ARID1B: variants seen among roughly 807,000 people sequenced by gnomAD.
The protein encoded by ARID1B is AT-rich interaction domain 1B.
ARID1B carries 30 observed loss-of-function variants against 212.3 expected under a neutral mutation model. The observed-to-expected ratio is 0.14, with a 90% CI of 0.11 to 0.19. The LOEUF is 0.19. Among genes scored for constraint, ARID1B ranks in the 10% least tolerant of loss-of-function variants. ARID1B has a pLI of 1.00. For synonymous variants in ARID1B, 1,402 were observed against 1,301.7 expected, an observed-to-expected ratio of 1.08 and a Z score of -1.66; for missense variants, 2,891 against 3,204.0, an observed-to-expected ratio of 0.90 and a Z score of 2.36.
intron 4 of ARID1B, among the ~76,000 whole-genome samples, chr6:156,990,207 T>C (rs1778188938): frequency 1.3e-5 from 2 of 150,330 alleles, no homozygotes; most frequent in Non-Finnish European, 3.0e-5. Flanking sequence ...AGAGTCTCAT[T>C]CTGTGGCCCA....
intron 7 of ARID1B, among the ~76,000 whole-genome samples, chr6:157,137,440 T>A (rs994208922): frequency 6.6e-6 from 1 of 152,162 alleles, no homozygotes; most frequent in Non-Finnish European, 1.5e-5. Context: ...ATTATGTAAT[T>A]AACATGTTAA....
intron 4 of ARID1B, among the ~76,000 whole-genome samples, chr6:157,050,800 A>G (rs1782549990): frequency 6.6e-6 from 1 of 152,348 alleles, no homozygotes; most frequent in African/African-American, 2.4e-5. Context: ...ATGATGTGCT[A>G]TGTAATAGTA....
At chr6:156,888,104 C>T (rs1227532427) in intron 2 of ARID1B, among the ~76,000 whole-genome samples, 1 of 152,226 alleles carries the variant, frequency 6.6e-6, no homozygotes, top group Admixed American at 6.5e-5. Flanking sequence ...GACATTGCAG[C>T]CTCAGCAAAG....
intron 2 of ARID1B, among the ~76,000 whole-genome samples, chr6:156,859,830 C>T (rs1043927013): frequency 6.6e-6 from 1 of 152,212 alleles, no homozygotes; most frequent in Non-Finnish European, 1.5e-5. Flanking sequence ...CACAGAAAGA[C>T]TAAGGTGAAA....
intron 15 of ARID1B, chr6:157,195,663 G>A (rs966838784): frequency 6.3e-6 from 1 of 158,302 alleles, no homozygotes; most frequent in Non-Finnish European, 1.4e-5. Flanking sequence ...CCACCGGGCA[G>A]GGGGTGCTGG....
chr6:156,835,639 A>G (rs956354342), intron 2 of ARID1B, among the ~76,000 whole-genome samples: 2 of 152,180 alleles, frequency 1.3e-5, no homozygotes, highest in Non-Finnish European at 2.9e-5. Context: ...CTGTTTTGTC[A>G]TGTACACATG....
chr6:156,883,443 G>T (rs1360751243), intron 2 of ARID1B, among the ~76,000 whole-genome samples: 1 of 152,100 alleles, frequency 6.6e-6, no homozygotes, highest in African/African-American at 2.4e-5. Flanking sequence ...TTCTTCTTTG[G>T]GGATCTGTGT....
At chr6:157,031,491 T>G (rs1781013097) in intron 4 of ARID1B, among the ~76,000 whole-genome samples, 1 of 152,246 alleles carries the variant, frequency 6.6e-6, no homozygotes, top group Non-Finnish European at 1.5e-5. Flanking sequence ...TCTTGTTGAT[T>G]GTTACTAGCC....
At chr6:157,029,126 T>C (rs936373683) in intron 4 of ARID1B, among the ~76,000 whole-genome samples, 12 of 152,210 alleles carry the variant, frequency 7.9e-5, no homozygotes, top group African/African-American at 2.7e-4. Flanking sequence ...GAATTTAAGG[T>C]CTACTCTTGG....
rs1219912388 is a variant in ARID1B, at chr6:156,778,082, C to A, written c.402C>A (p.Ser134=). 6.5e-7 allele frequency: 1 copy of A among 1,540,152 alleles called. No individual in the cohort carries two copies. Among genetic ancestry groups the A allele is most frequent in the East Asian group, 2.5e-5 (1 of 40,758 alleles). ...CGGCAGCGGCGGCATCCTCTTCCTC[C>A]TCGTCGGGCCCGGGCTCGGCCATGG... The part of the protein sequence containing the change: ...SAAAAAASSS[S]SSGPGSAMET... Residue 134 remains serine (S), a synonymous_variant, in exon 1 of 20, where the codon TCC becomes TCA. Transcript: ENST00000636930.
intron 2 of ARID1B, among the ~76,000 whole-genome samples, chr6:156,848,079 A>G (rs1784342871): frequency 6.6e-6 from 1 of 152,238 alleles, no homozygotes; most frequent in African/African-American, 2.4e-5. Flanking sequence ...AAGGCAGAAA[A>G]TATAACTAAT....
At position 156,778,399 on chromosome 6, in the gene ARID1B, C is replaced by G. The variant is rs1375043876; in HGVS notation, c.719C>G (p.Pro240Arg). 3.9e-6 allele frequency: 6 copies of G among 1,533,426 alleles called. No individual in the cohort carries two copies. The highest frequency in any genetic ancestry group is 5.2e-6 in the Non-Finnish European group (6 of 1,144,818). 95.0% of individuals were successfully genotyped at this position (1,533,426 alleles called of 1,614,324 possible). The change falls in exon 1 of 20, where the codon CCG becomes CGG. Residue 240 changes from proline to arginine, a missense_variant. This residue lies in a region of ARID1B where 1,643 missense variants were observed against 1,544.0 expected (regional missense o/e 1.06). Coordinates refer to ENST00000636930, the MANE Select transcript of ARID1B (RefSeq NM_001374828.1). ...CAGCCCGGCCCCGACATGGAGCAGC[C>G]GCAACATGGAGGCGCCAAGGACAGT... ...APQPGPDMEQ[P>R]QHGGAKDSAA...
chr6:156,965,036 A>G (rs1794648228), intron 4 of ARID1B, among the ~76,000 whole-genome samples: 1 of 152,204 alleles, frequency 6.6e-6, no homozygotes, highest in Non-Finnish European at 1.5e-5. Context: ...TATTTCATAG[A>G]GTTACTTTGT....
chr6:156,868,033 GAT>G (rs930183681), intron 2 of ARID1B, among the ~76,000 whole-genome samples: 1 of 152,192 alleles, frequency 6.6e-6, no homozygotes, highest in Non-Finnish European at 1.5e-5. Flanking sequence ...GGGATTGATG[GAT>G]GGGTCATTTC....
intron 1 of ARID1B, among the ~76,000 whole-genome samples, chr6:156,794,657 G>C (rs533589): frequency 0.88 from 130,461 of 148,788 alleles, 57,429 homozygotes; most frequent in African/African-American, 0.97. Flanking sequence ...GTTCACTGAT[G>C]GCAACCTCTC....
chr6:156,846,624 C>T (rs1317872143), intron 2 of ARID1B, among the ~76,000 whole-genome samples: 5 of 152,156 alleles, frequency 3.3e-5, no homozygotes, highest in African/African-American at 1.2e-4. Flanking sequence ...GCTATCTCCC[C>T]CTCCCCAGTA....
chr6:156,876,773 C>T (rs776812719), intron 2 of ARID1B, among the ~76,000 whole-genome samples: 1 of 152,226 alleles, frequency 6.6e-6, no homozygotes, highest in Non-Finnish European at 1.5e-5. Context: ...GTGTATCTGC[C>T]AGTTATCGCC....
intron 2 of ARID1B, among the ~76,000 whole-genome samples, chr6:156,845,916 G>A (rs1344009653): frequency 6.6e-6 from 1 of 151,302 alleles, no homozygotes; most frequent in Non-Finnish European, 1.5e-5. Flanking sequence ...TGCTTTTTTT[G>A]TTGTAGTTCC....
At chr6:156,976,233 C>A in intron 4 of ARID1B, 1 of 154,724 alleles carries the variant, frequency 6.5e-6, no homozygotes, top group South Asian at 1.8e-4. Context: ...ATGTGCAGGT[C>A]ACAGGGGATA....
Sources: gnomAD v4.1 joint callset for allele counts (sites outside exome capture counted in the v4.1 genomes callset) on GRCh38, gnomAD v4.1.1 for gene constraint, gnomAD v4.1.1 regional missense constraint, MANE v1.5 for transcripts, NCBI Gene and HGNC (gene_info 2026-07-23, HGNC 2026-07-21) for gene names.